The following CUL3 variants were observed in gnomAD, a reference collection of about 807,000 sequenced individuals.
The protein encoded by CUL3 is cullin-3.
CUL3 carries 19 observed loss-of-function variants against 89.1 expected under a neutral mutation model. The ratio of observed to expected loss-of-function variants is 0.21; its 90% CI spans 0.15 to 0.31. The LOEUF (loss-of-function observed/expected upper bound fraction) is 0.31, where lower values mean the gene tolerates loss of function less well. Among genes scored for constraint, CUL3 ranks in the 10% least tolerant of loss-of-function variants. The pLI is 1.00. For missense variants in CUL3, 469 were observed against 942.3 expected (o/e 0.50, Z 6.58); for synonymous variants, 351 against 308.4 (o/e 1.14, Z -1.45).
chr2:224,573,484 A>G (rs1009916277), intron 1 of CUL3, among the ~76,000 whole-genome samples: 1 of 152,222 alleles, frequency 6.6e-6, no homozygotes, highest in African/African-American at 2.4e-5. Flanking sequence ...CAAGTTTTTC[A>G]TAACTTTTAT....
At position 224,582,047 on chromosome 2, in the gene CUL3, C is replaced by G. The variant is rs573492499; in HGVS notation, c.66+2897G>C. 8.9e-4 allele frequency among the ~76,000 whole-genome samples: 135 copies of G among 152,232 alleles called. 1 individual carries two copies. The highest frequency in any genetic ancestry group is 3.0e-3 in the African/African-American group (123 of 41,522). On this transcript the variant is annotated intron_variant, in intron 1 of 15. Coordinates refer to ENST00000264414, the MANE Select transcript of CUL3 (RefSeq NM_003590.5). ...TGGCGCGATCTCAGCTCACTGCAACCTCGGCCTTACAGGTTCAAGCGATTT... is the reference window on the plus strand; with the variant it reads ...TGGCGCGATCTCAGCTCACTGCAACGTCGGCCTTACAGGTTCAAGCGATTT...
At chr2:224,513,848 G>T (rs866506596) in intron 4 of CUL3, among the ~76,000 whole-genome samples, 80 of 152,108 alleles carry the variant, frequency 5.3e-4, no homozygotes, top group African/African-American at 1.8e-3. Flanking sequence ...TTTCTCTCAA[G>T]GTGTTCTTAC....
At chr2:224,576,259 G>A (rs1030799708) in intron 1 of CUL3, among the ~76,000 whole-genome samples, 1 of 152,208 alleles carries the variant, frequency 6.6e-6, no homozygotes, top group South Asian at 2.1e-4. Flanking sequence ...AGGAAGGGAT[G>A]AGATGCGAAG....
intron 1 of CUL3, among the ~76,000 whole-genome samples, chr2:224,580,182 T>G (rs1263287996): frequency 6.6e-6 from 1 of 152,214 alleles, no homozygotes; most frequent in Non-Finnish European, 1.5e-5. Flanking sequence ...ATCAAAAAGA[T>G]GTGAAATGAT....
chr2:224,509,418 A>G (rs1055364054), intron 6 of CUL3, among the ~76,000 whole-genome samples: 19 of 152,282 alleles, frequency 1.2e-4, no homozygotes, highest in African/African-American at 4.1e-4. Context: ...GGTTTCACCA[A>G]TTTGCCCAGG....
chr2:224,477,198 G>A lies in CUL3; in HGVS notation c.2175+1002C>T, dbSNP rs116390344. Among the ~76,000 whole-genome samples, 402 of 152,156 alleles carry A rather than the reference G, an allele frequency of 2.6e-3. 3 individuals carry two copies. Among genetic ancestry groups the A allele is most frequent in the Non-Finnish European group, 4.4e-3 (300 of 68,010 alleles). On this transcript the variant is annotated intron_variant, in intron 15 of 15. Transcript: ENST00000264414. ...AAAACATCAGAATCACCTACAGCTC[G>A]TGTTAAAAAACCAGACTCTTGGGCC...
At chr2:224,500,138 C>T in intron 11 of CUL3, 3 of 403,182 alleles carry the variant, frequency 7.4e-6, no homozygotes, top group Non-Finnish European at 9.0e-6. Context: ...TTTCAAATGC[C>T]AGCATATAAA....
At chr2:224,579,049 TTAAA>T (rs1451918851) in intron 1 of CUL3, among the ~76,000 whole-genome samples, 2 of 152,062 alleles carry the variant, frequency 1.3e-5, no homozygotes, top group South Asian at 2.1e-4. Flanking sequence ...TTCATATTAC[TTAAA>T]TAGTTTCTAA....
chr2:224,505,861 T>C (rs776177682), intron 8 of CUL3, 95 bp downstream of exon 8: 2 of 811,662 alleles, frequency 2.5e-6, no homozygotes, highest in East Asian at 2.9e-5. Flanking sequence ...CAATGGGTCA[T>C]GCTTAATTTT....
intron 1 of CUL3, among the ~76,000 whole-genome samples, chr2:224,571,884 A>G (rs1327245115): frequency 1.4e-4 from 21 of 152,236 alleles, no homozygotes; most frequent in Admixed American, 1.4e-3. Context: ...TTTTGGAGCT[A>G]GAATAAGCCT....
At chr2:224,575,888 G>C (rs1195716922) in intron 1 of CUL3, among the ~76,000 whole-genome samples, 1 of 152,108 alleles carries the variant, frequency 6.6e-6, no homozygotes, top group Non-Finnish European at 1.5e-5. Flanking sequence ...TGTAGATCCA[G>C]GACCTGACCC....
rs200054912 is a variant in CUL3, at chr2:224,539,988, CA to C, written c.265-4348del. ...TACCACTCTGGTGTGGATGTGCATACAGGGGGGGAGGCTGTGCATATGTTGG... is the reference window on the plus strand; with the variant it reads ...TACCACTCTGGTGTGGATGTGCATACGGGGGGGAGGCTGTGCATATGTTGG... On this transcript the variant is annotated intron_variant, in intron 2 of 15. Coordinates refer to ENST00000264414, the MANE Select transcript of CUL3 (RefSeq NM_003590.5). Among the ~76,000 whole-genome samples the C allele has an allele frequency of 2.8e-3, 402 of 143,124 alleles. 1 individual carries two copies. The highest frequency in any genetic ancestry group is 0.024 in the East Asian group (110 of 4,638). The allele number at this position is 143,124 out of a possible 152,430, so 93.9% of individuals were successfully genotyped here. A position where few individuals can be genotyped will look rare whatever the true frequency, so the allele number is the denominator to read the frequency against.
At chr2:224,476,110 G>T (rs773308895) in intron 15 of CUL3, among the ~76,000 whole-genome samples, 2 of 151,142 alleles carry the variant, frequency 1.3e-5, no homozygotes, top group Non-Finnish European at 2.9e-5. Flanking sequence ...TGCAACCTTC[G>T]CCTCCCAGCT....
At chr2:224,476,865 T>C (rs1159695178) in intron 15 of CUL3, among the ~76,000 whole-genome samples, 1 of 152,126 alleles carries the variant, frequency 6.6e-6, no homozygotes, top group African/African-American at 2.4e-5. Context: ...AACTCTACAC[T>C]GAATCCTCTA....
At chr2:224,517,349 A>G (rs1477364326) in intron 3 of CUL3, among the ~76,000 whole-genome samples, 1 of 152,194 alleles carries the variant, frequency 6.6e-6, no homozygotes, top group South Asian at 2.1e-4. Flanking sequence ...ACTTTCTTTG[A>G]AAATGAGTCC....
At chr2:224,550,034 C>T (rs899044726) in intron 2 of CUL3, among the ~76,000 whole-genome samples, 2 of 152,146 alleles carry the variant, frequency 1.3e-5, no homozygotes, top group African/African-American at 4.8e-5. Context: ...TATCTGAACA[C>T]GAAGTGTTTA....
At chr2:224,566,087 G>A (rs1695034624) in intron 1 of CUL3, among the ~76,000 whole-genome samples, 1 of 152,070 alleles carries the variant, frequency 6.6e-6, no homozygotes. Flanking sequence ...CCCATCTACA[G>A]GCTGAATTAA....
chr2:224,516,095 T>C (rs918058840), intron 3 of CUL3, among the ~76,000 whole-genome samples: 1 of 152,180 alleles, frequency 6.6e-6, no homozygotes, highest in Non-Finnish European at 1.5e-5. Flanking sequence ...TAACACCTAA[T>C]AACAAGGAAA....
chr2:224,578,740 A>G (rs1341518008), intron 1 of CUL3, among the ~76,000 whole-genome samples: 2 of 152,190 alleles, frequency 1.3e-5, no homozygotes, highest in Non-Finnish European at 2.9e-5. Flanking sequence ...GCATTATTTA[A>G]AACTACAAAT....
Sources: allele counts gnomAD v4.1 joint callset (sites outside exome capture counted in the v4.1 genomes callset), GRCh38; gene constraint gnomAD v4.1.1; transcripts MANE v1.5; gene names NCBI Gene and HGNC (gene_info 2026-07-23, HGNC 2026-07-21).